TENM2: variants seen among roughly 807,000 people sequenced by gnomAD.
TENM2 encodes teneurin transmembrane protein 2.
TENM2 carries 52 observed loss-of-function variants against 245.2 expected under a neutral mutation model. That is an observed-to-expected ratio of 0.21 (90% confidence interval 0.17 to 0.27). TENM2 has a LOEUF of 0.27. TENM2 is among the 10% of genes least tolerant of loss of function. The probability of loss-of-function intolerance (pLI) is 1.00; values close to 1 mark genes in which losing one functional copy is unlikely to be tolerated. For missense variants in TENM2, 3,046 were observed against 3,666.8 expected (o/e 0.83, Z 4.37); for synonymous variants, 1,363 against 1,438.9 (o/e 0.95, Z 1.19).
At chr5:167,472,735 C>A (rs1767116660) in intron 2 of TENM2, among the ~76,000 whole-genome samples, 1 of 152,164 alleles carries the variant, frequency 6.6e-6, no homozygotes, top group African/African-American at 2.4e-5. Context: ...GCTAAACAGA[C>A]AGTTTAATTG....
intron 2 of TENM2, among the ~76,000 whole-genome samples, chr5:167,819,691 A>ATTC (rs1355666211): frequency 1.3e-5 from 2 of 152,212 alleles, no homozygotes; most frequent in Non-Finnish European, 2.9e-5. Flanking sequence ...TGTGGCTAAC[A>ATTC]TGCCCAGCTC....
At chr5:167,633,954 G>A (rs1375052908) in intron 2 of TENM2, among the ~76,000 whole-genome samples, 3 of 152,156 alleles carry the variant, frequency 2.0e-5, no homozygotes, top group Non-Finnish European at 4.4e-5. Flanking sequence ...AGGAATGGTT[G>A]GGCGTTTCCT....
chr5:167,863,202 G>A (rs560096512), intron 2 of TENM2, among the ~76,000 whole-genome samples: 136 of 152,298 alleles, frequency 8.9e-4, no homozygotes, highest in Middle Eastern at 6.8e-3. Flanking sequence ...AAACCATGAC[G>A]TGCTAAACAT....
intron 1 of TENM2, among the ~76,000 whole-genome samples, chr5:167,350,856 T>TATG (rs1758839925): frequency 2.9e-5 from 3 of 102,352 alleles, no homozygotes; most frequent in Non-Finnish European, 4.1e-5. Context: ...GATATATATA[T>TATG]GGGATGTATA....
intron 2 of TENM2, among the ~76,000 whole-genome samples, chr5:167,699,593 G>C (rs536480464): frequency 6.6e-6 from 1 of 152,268 alleles, no homozygotes; most frequent in East Asian, 1.9e-4. Flanking sequence ...GATAGAACTA[G>C]AACAATGCCC....
the TENM2 span, among the ~76,000 whole-genome samples, chr5:167,023,607 T>A: frequency 6.6e-6 from 1 of 152,334 alleles, no homozygotes; most frequent in Non-Finnish European, 1.5e-5. Flanking sequence ...CTGTTTATAT[T>A]TACAGTGTTG....
intron 13 of TENM2, among the ~76,000 whole-genome samples, chr5:168,178,138 G>A (rs928580938): frequency 1.1e-4 from 16 of 152,100 alleles, no homozygotes; most frequent in African/African-American, 3.6e-4. Context: ...CCCCTCAGGC[G>A]GAAAGTAACT....
At chr5:167,084,344 T>TACAC in the TENM2 span, among the ~76,000 whole-genome samples, 7 of 99,558 alleles carry the variant, frequency 7.0e-5, no homozygotes, top group African/African-American at 2.0e-4. Context: ...TATATATATA[T>TACAC]ATATATATAT....
At chr5:167,310,755 C>T (rs868030150) in intron 1 of TENM2, among the ~76,000 whole-genome samples, 2 of 152,202 alleles carry the variant, frequency 1.3e-5, no homozygotes, top group Admixed American at 6.5e-5. Flanking sequence ...TTGTTACATA[C>T]AAGTTATAGG....
At chr5:167,380,070 T>C (rs1581890765) in intron 2 of TENM2, among the ~76,000 whole-genome samples, 1 of 152,124 alleles carries the variant, frequency 6.6e-6, no homozygotes, top group East Asian at 1.9e-4. Context: ...TGAGTTATCA[T>C]GGATTTAAAA....
At chr5:167,071,294 T>G in the TENM2 span, among the ~76,000 whole-genome samples, 1 of 152,130 alleles carries the variant, frequency 6.6e-6, no homozygotes, top group Non-Finnish European at 1.5e-5. Context: ...GTTTAAAGGA[T>G]CAGAACTGCA....
At chr5:167,746,675 CAGAG>C (rs57973052) in intron 2 of TENM2, among the ~76,000 whole-genome samples, 1,209 of 117,172 alleles carry the variant, frequency 0.01, 12 homozygotes, top group South Asian at 0.026. Context: ...AAATTACCAA[CAGAG>C]AGAGAGAGAG....
chr5:166,983,297 C>T, the TENM2 span, among the ~76,000 whole-genome samples: 1 of 151,988 alleles, frequency 6.6e-6, no homozygotes, highest in Admixed American at 6.6e-5. Context: ...ATACTGCATC[C>T]TTTTTATGAA....
chr5:167,890,506 G>A (rs567950961), intron 3 of TENM2, among the ~76,000 whole-genome samples: 2 of 152,242 alleles, frequency 1.3e-5, no homozygotes, highest in African/African-American at 4.8e-5. Context: ...GATTTGTCCT[G>A]CTTGGTATTA....
chr5:167,153,474 G>A, the TENM2 span, among the ~76,000 whole-genome samples: 1,463 of 152,136 alleles, frequency 9.6e-3, 22 homozygotes, highest in African/African-American at 0.032. Context: ...AGGAAGATGA[G>A]GGGTTCGTCT....
chr5:167,326,702 A>ATAT (rs1757104378), intron 1 of TENM2, among the ~76,000 whole-genome samples: 3 of 143,220 alleles, frequency 2.1e-5, no homozygotes, highest in African/African-American at 7.7e-5. Context: ...ATAATAAATA[A>ATAT]ATATATATAT....
At chr5:167,640,383 C>A (rs948785214) in intron 2 of TENM2, among the ~76,000 whole-genome samples, 13 of 151,932 alleles carry the variant, frequency 8.6e-5, no homozygotes. Context: ...TTTGGGAGGC[C>A]GAGGCAGGTG....
chr5:167,289,703 A>G (rs894359540), intron 1 of TENM2, among the ~76,000 whole-genome samples: 2 of 152,256 alleles, frequency 1.3e-5, no homozygotes, highest in African/African-American at 4.8e-5. Flanking sequence ...GGCATAATGT[A>G]CATTTAAACA....
intron 1 of TENM2, among the ~76,000 whole-genome samples, chr5:167,328,768 C>T (rs1251500231): frequency 2.6e-5 from 4 of 152,082 alleles, no homozygotes; most frequent in Admixed American, 2.6e-4. Flanking sequence ...TGAGGTCTTC[C>T]CTAGTCACTT....
Sources: allele counts gnomAD v4.1 joint callset (sites outside exome capture counted in the v4.1 genomes callset), GRCh38; gene constraint gnomAD v4.1.1; transcripts MANE v1.5; gene names NCBI Gene and HGNC (gene_info 2026-07-23, HGNC 2026-07-21).